IL4I1: variants seen among roughly 807,000 people sequenced by gnomAD.
IL4I1 encodes interleukin 4 induced 1.
In IL4I1, 24 loss-of-function variants were observed where a neutral mutation model predicts 29.7. The observed-to-expected ratio is 0.81, with a 90% confidence interval of 0.59 to 1.14. The LOEUF is 1.14. Ranked by LOEUF, IL4I1 falls within the 50% of genes most tolerant of loss-of-function variation. IL4I1 has a pLI of 0.00. For missense variants in IL4I1, 686 were observed against 785.6 expected (o/e 0.87, Z 1.52); for synonymous variants, 371 against 352.5 (o/e 1.05, Z -0.59).
At chr19:49,908,430 T>A (rs201085106) in intron 2 of IL4I1, 13 of 1,614,072 alleles carry the variant, frequency 8.1e-6, no homozygotes, top group Non-Finnish European at 9.3e-6. Context: ...GCCCCGGACG[T>A]GTTCAGGTGC....
chr19:49,895,531 C>T (rs2122527845), intron 3 of IL4I1, among the ~76,000 whole-genome samples: 1 of 152,276 alleles, frequency 6.6e-6, no homozygotes, highest in East Asian at 1.9e-4. Context: ...GTAGAGTTTC[C>T]CTCTCCACCA....
At chr19:49,925,666 G>C (rs2075869335) in intron 2 of IL4I1, among the ~76,000 whole-genome samples, 1 of 152,184 alleles carries the variant, frequency 6.6e-6, no homozygotes, top group Admixed American at 6.5e-5. Flanking sequence ...CATCCTGAAG[G>C]CATCCGGAAG....
rs56359967 is a variant in IL4I1 at position 49,890,012 on chromosome 19, A to G, written c.1362T>C (p.Phe454=). Residue 454 remains phenylalanine, a synonymous_variant, in exon 8 of 8, where the codon TTT becomes TTC. Transcript: ENST00000391826. The part of the protein sequence containing the change: ...WAEDQHSQGG[F]VVQPPALWQT... Reference sequence around the variant, plus strand: ...GCCAGAGCGCCGGCGGCTGTACCACAAAGCCACCCTGGCTGTGCTGGTCCT... The same window carrying G: ...GCCAGAGCGCCGGCGGCTGTACCACGAAGCCACCCTGGCTGTGCTGGTCCT... 0.047 allele frequency: 72,338 copies of G among 1,553,814 alleles called. 3,853 individuals carry two copies. Among genetic ancestry groups the G allele is most frequent in the Admixed American group, 0.19 (9,766 of 51,372 alleles).
At chr19:49,920,980 G>A (rs1432593960) in intron 2 of IL4I1, among the ~76,000 whole-genome samples, 4 of 152,172 alleles carry the variant, frequency 2.6e-5, no homozygotes, top group Admixed American at 6.5e-5. Flanking sequence ...TGCTATGGAG[G>A]TTTCTCTGGG....
At chr19:49,916,750 C>T (rs1204860219) in intron 2 of IL4I1, among the ~76,000 whole-genome samples, 5 of 151,800 alleles carry the variant, frequency 3.3e-5, no homozygotes, top group East Asian at 3.9e-4. Context: ...GGAGACAGAG[C>T]GAGACTCCGT....
intron 2 of IL4I1, among the ~76,000 whole-genome samples, chr19:49,914,731 T>G (rs74174300): frequency 0.045 from 3,971 of 88,014 alleles, 81 homozygotes; most frequent in African/African-American, 0.099. Context: ...TCCCAGTTTT[T>G]TTTTTTTTTT....
At chr19:49,909,805 C>A (rs2075417004) in intron 2 of IL4I1, 2 of 1,613,848 alleles carry the variant, frequency 1.2e-6, no homozygotes, top group South Asian at 1.1e-5. Flanking sequence ...TAAACCCGCT[C>A]ATGGCTCCGG....
Position 49,890,486 on chromosome 19 carries a change from A to G in IL4I1, c.888T>C (p.Asp296=), listed in dbSNP as rs61740372. ...GAGAGGTCTCGATCTGCACGTGCAC[A>G]TCGTGCGGTCCCTGGGTCATCGCCA... is the stretch of plus-strand genomic sequence containing the variant. ...PVVAMTQGPH[D]VHVQIETSPP... is the part of the protein sequence containing the mutation. Residue 296 remains aspartate (D), a synonymous_variant, in exon 8 of 8, where the codon GAT becomes GAC. Transcript: ENST00000391826. 4,929 of 1,611,740 alleles carry G rather than the reference A, an allele frequency of 3.1e-3. 128 individuals carry two copies. In the African/African-American group the frequency reaches 0.057, roughly 19 times the overall value.
At chr19:49,901,962 C>T (rs924111299) in intron 3 of IL4I1, 10 of 301,296 alleles carry the variant, frequency 3.3e-5, no homozygotes, top group Middle Eastern at 1.8e-3. Context: ...TCCCCGCCCT[C>T]TCACTGGATT....
At position 49,921,073 on chromosome 19, in the gene IL4I1, CG is replaced by C. The variant is rs1248138696; in HGVS notation, c.-228+6620del. The stretch of plus-strand genomic sequence containing the variant: ...AAGCAAACACAGCCCCTTCCTGCCT[CG>C]GCGGACATCTCCACACCCACATTTC... On this transcript the variant is annotated intron_variant, in intron 2 of 9. Transcript: ENST00000341114. The surrounding 1 kb of genome is among the most constrained non-coding windows in gnomAD (Gnocchi z 5.4). Among the ~76,000 whole-genome samples, 3 of 152,274 alleles carry C rather than the reference CG, an allele frequency of 2.0e-5. No individual in the cohort carries two copies. Among genetic ancestry groups the C allele is most frequent in the Non-Finnish European group, 4.4e-5 (3 of 68,020 alleles).
chr19:49,904,505 G>T (rs2075298474), intron 2 of IL4I1, among the ~76,000 whole-genome samples: 1 of 152,192 alleles, frequency 6.6e-6, no homozygotes, highest in Admixed American at 6.5e-5. Context: ...GTTATTCAGA[G>T]TGGGGTGCTC....
chr19:49,906,279 G>A (rs374022942), intron 2 of IL4I1, among the ~76,000 whole-genome samples: 2 of 152,116 alleles, frequency 1.3e-5, no homozygotes, highest in African/African-American at 4.8e-5. Flanking sequence ...TGTGATCATG[G>A]CTCACTGCAG....
intron 2 of IL4I1, chr19:49,908,950 G>T (rs752495361): frequency 6.4e-7 from 1 of 1,567,384 alleles, no homozygotes. Flanking sequence ...AGCCGGTGGT[G>T]CTGCTGCTGC....
intron 2 of IL4I1, chr19:49,908,964 T>TGGTGGTGGCGGTGGC (rs745331322): frequency 5.0e-6 from 8 of 1,608,360 alleles, no homozygotes; most frequent in Non-Finnish European, 6.8e-6. Flanking sequence ...CTGCTGCTGG[T>TGGTGGTGGCGGTGGC]GGTGGTGGCG....
intron 2 of IL4I1, chr19:49,907,654 TC>T: frequency 2.7e-6 from 1 of 372,550 alleles, no homozygotes; most frequent in Non-Finnish European, 5.1e-6. Context: ...TGCCTCAGCC[TC>T]CCGAGTAGCT....
At chr19:49,907,876 A>G (rs2075359075) in intron 2 of IL4I1, 1 of 378,316 alleles carries the variant, frequency 2.6e-6, no homozygotes, top group Admixed American at 4.3e-5. Flanking sequence ...CATGACACCT[A>G]TGACTATGCT....
At chr19:49,929,048 G>C (rs1409590432) in intron 1 of IL4I1, 2 of 152,264 alleles carry the variant, frequency 1.3e-5, no homozygotes, top group Admixed American at 6.5e-5. Context: ...CCGGACCCTA[G>C]GAGTGGGAAG....
chr19:49,894,206 G>A lies in IL4I1; in HGVS notation c.567+62C>T, dbSNP rs946665021. 2.9e-5 allele frequency: 44 copies of A among 1,511,696 alleles called. No individual in the cohort carries two copies. The Middle Eastern group carries it at 9.3e-4, about 32-fold the overall frequency. The allele number at this position is 1,511,696 out of a possible 1,614,324, so 93.6% of individuals were successfully genotyped here. A position where few individuals can be genotyped will look rare whatever the true frequency, so the allele number is the denominator to read the frequency against. On this transcript the variant is annotated intron_variant, in intron 5 of 7. Coordinates refer to ENST00000391826, the MANE Select transcript of IL4I1 (RefSeq NM_152899.2). ...TGCCAGAGAGAAGAAAAGCCGGGCC[G>A]GGGCGAGCTTAGGAGGAGGACAGAG...
At chr19:49,915,650 T>A (rs1356927783) in intron 2 of IL4I1, among the ~76,000 whole-genome samples, 12 of 151,978 alleles carry the variant, frequency 7.9e-5, no homozygotes, top group Non-Finnish European at 1.8e-4. Context: ...TCTAGATAGG[T>A]GGATGGGAAT....
Sources: gnomAD v4.1 joint callset for allele counts (sites outside exome capture counted in the v4.1 genomes callset) on GRCh38, gnomAD v4.1.1 for gene constraint, Gnocchi (gnomAD v3.1) non-coding constraint, MANE v1.5 for transcripts, NCBI Gene and HGNC (gene_info 2026-07-23, HGNC 2026-07-21) for gene names.